USP3: variants seen among roughly 807,000 people sequenced by gnomAD.
USP3 encodes ubiquitin specific peptidase 3.
A neutral mutation model predicts 72.3 loss-of-function variants in USP3; 20 were observed. The observed-to-expected ratio is 0.28, with a 90% confidence interval of 0.19 to 0.40. USP3 has a LOEUF of 0.40. Among genes scored for constraint, USP3 ranks in the 10% least tolerant of loss-of-function variants. The pLI is 1.00. For synonymous variants in USP3, 222 were observed against 225.3 expected, an observed-to-expected ratio of 0.99 and a Z score of 0.13; for missense variants, 479 against 633.9, an observed-to-expected ratio of 0.76 and a Z score of 2.62.
chr15:63,529,004 A>G lies in USP3; in HGVS notation c.92-3643A>G. ...TCCCTCATAATACCCTATCCTCTGT[A>G]TCTTTCTAGCCTTCAAATGTTTATC... On this transcript the variant is annotated intron_variant, in intron 1 of 14. Transcript: ENST00000380324. The surrounding 1 kb of genome is among the most constrained non-coding windows in gnomAD (Gnocchi z 4.2). The G allele has an allele frequency of 7.8e-7, 1 of 1,288,760 alleles. No individual in the cohort carries two copies. Among genetic ancestry groups the G allele is most frequent in the Non-Finnish European group, 1.0e-6 (1 of 988,450 alleles). The allele number at this position is 1,288,760 out of a possible 1,614,324, so 79.8% of individuals were successfully genotyped here.
chr15:63,541,906 A>T (rs1030543370), intron 3 of USP3: 3 of 252,944 alleles, frequency 1.2e-5, no homozygotes, highest in Non-Finnish European at 1.9e-5. Context: ...GTTGCATAAG[A>T]GGTTTTATTT....
intron 8 of USP3, among the ~76,000 whole-genome samples, chr15:63,568,941 G>T (rs907808308): frequency 6.6e-6 from 1 of 152,122 alleles, no homozygotes; most frequent in African/African-American, 2.4e-5. Context: ...AGAAAATCAC[G>T]GTATGGTTGG....
At chr15:63,509,133 G>A (rs1026713755) in intron 1 of USP3, among the ~76,000 whole-genome samples, 3 of 152,082 alleles carry the variant, frequency 2.0e-5, no homozygotes, top group African/African-American at 7.2e-5. Context: ...ATTTTGTATC[G>A]TATTTCTCCA....
chr15:63,592,446 C>CA lies in USP3; in HGVS notation c.*1622dup, dbSNP rs2067221268. 7.5e-6 allele frequency: 1 copy of CA among 132,528 alleles called. No individual in the cohort carries two copies. The highest frequency in any genetic ancestry group is 7.4e-5 in the Admixed American group (1 of 13,446). 8.2% of individuals were successfully genotyped at this position (132,528 alleles called of 1,614,324 possible). Reference sequence around the variant, plus strand: ...GTGTTAAGCCAACGAGACTTTCTGGCAATTTTTTTTTTTTTTTTTTAATGG... The same window carrying CA: ...GTGTTAAGCCAACGAGACTTTCTGGCAAATTTTTTTTTTTTTTTTTTAATGG... On this transcript the variant is annotated 3_prime_UTR_variant, in exon 15 of 15. Transcript: ENST00000380324.
At chr15:63,519,182 G>A (rs2065887184) in intron 1 of USP3, among the ~76,000 whole-genome samples, 1 of 152,078 alleles carries the variant, frequency 6.6e-6, no homozygotes, top group African/African-American at 2.4e-5. Flanking sequence ...CCCAACAATG[G>A]CCTTCATAGC....
intron 11 of USP3, among the ~76,000 whole-genome samples, chr15:63,576,038 G>A (rs980416709): frequency 1.4e-5 from 2 of 147,268 alleles, no homozygotes; most frequent in African/African-American, 5.0e-5. Context: ...CCAGGCTGGA[G>A]TGCAGTGGCG....
chr15:63,535,453 C>G (rs74018963), intron 2 of USP3, among the ~76,000 whole-genome samples: 1 of 152,100 alleles, frequency 6.6e-6, no homozygotes, highest in African/African-American at 2.4e-5. Flanking sequence ...AGTACTATTA[C>G]GTCCATTTTA....
Position 63,588,995 on chromosome 15 carries a change from G to T in USP3, c.1381G>T (p.Val461Leu), listed in dbSNP as rs2067131532. ...SCLYDLAAVVVHHGSGVGSGH... is the reference protein window; with the variant it reads ...SCLYDLAAVVLHHGSGVGSGH... Reference sequence around the variant, plus strand: ...CCTGTATGACCTCGCCGCTGTGGTGGTGCACCATGGTTCCGGGTGAGTACA... The same window carrying T: ...CCTGTATGACCTCGCCGCTGTGGTGTTGCACCATGGTTCCGGGTGAGTACA... The change falls in exon 14 of 15, where the codon GTG becomes TTG. Residue 461 changes from valine to leucine, a missense_variant. Coordinates refer to ENST00000380324, the MANE Select transcript of USP3 (RefSeq NM_006537.4). This position sits in a 1 kb window ranked among gnomAD's most constrained non-coding sequence, Gnocchi z 4.6. The T allele has an allele frequency of 6.2e-7, 1 of 1,613,540 alleles. No individual in the cohort carries two copies. The highest frequency in any genetic ancestry group is 8.5e-7 in the Non-Finnish European group (1 of 1,180,028).
Position 63,588,717 on chromosome 15 carries a change from T to C in USP3, c.1231T>C (p.Leu411=), listed in dbSNP as rs531486273. 1 of 1,613,472 alleles carries C rather than the reference T, an allele frequency of 6.2e-7. No homozygotes were observed. Among genetic ancestry groups the C allele is most frequent in the Admixed American group, 1.7e-5 (1 of 59,978 alleles). Residue 411 remains leucine (L), a synonymous_variant, in exon 13 of 15, where the codon TTG becomes CTG. Coordinates refer to ENST00000380324, the MANE Select transcript of USP3 (RefSeq NM_006537.4). This position sits in a 1 kb window ranked among gnomAD's most constrained non-coding sequence, Gnocchi z 4.6. ...TGTCCTCCAGGTGCTATGCTTACAT[T>C]TGAAAAGATTTCATTGGACAGCATA... The part of the protein sequence containing the change: ...QKLPKVLCLH[L]KRFHWTAYLR...
At chr15:63,536,875 T>TCAAGTATTCAGTATAA (rs2066166042) in intron 2 of USP3, 150 bp from the exon 3 acceptor site, 1 of 863,414 alleles carries the variant, frequency 1.2e-6, no homozygotes, top group African/African-American at 1.7e-5. Flanking sequence ...AGAGCATATT[T>TCAAGTATTCAGTATAA]TAAGTATTCA....
At chr15:63,590,578 A>ATTTAAATCTAACATTATATAGTTG (rs1224748674) in intron 14 of USP3, 83 bp from the exon 15 acceptor site, 55 of 1,297,396 alleles carry the variant, frequency 4.2e-5, no homozygotes, top group Non-Finnish European at 1.7e-5. Flanking sequence ...TCTTATTAAA[A>ATTTAAATCTAACATTATATAGTTG]TTTAAATCTA....
At chr15:63,587,424 C>T (rs1292828034) in intron 11 of USP3, among the ~76,000 whole-genome samples, 6 of 151,968 alleles carry the variant, frequency 3.9e-5, no homozygotes, top group Admixed American at 3.9e-4. Context: ...AGTAAGTCTT[C>T]ATTTAATGTC....
intron 1 of USP3, among the ~76,000 whole-genome samples, chr15:63,523,648 G>A (rs999165332): frequency 1.3e-5 from 2 of 152,186 alleles, no homozygotes; most frequent in Non-Finnish European, 2.9e-5. Flanking sequence ...GTCAGTTGTG[G>A]AACAATTTGC....
chr15:63,588,634 T>A lies in USP3; in HGVS notation c.1216-68T>A. 1 of 1,175,214 alleles carries A rather than the reference T, an allele frequency of 8.5e-7. No individual in the cohort carries two copies. Among genetic ancestry groups the A allele is most frequent in the Non-Finnish European group, 1.3e-6 (1 of 796,836 alleles). The allele number at this position is 1,175,214 out of a possible 1,614,324, so 72.8% of individuals were successfully genotyped here. A position where few individuals can be genotyped will look rare whatever the true frequency, so the allele number is the denominator to read the frequency against. On this transcript the variant is annotated intron_variant, in intron 12 of 14. Coordinates refer to ENST00000380324, the MANE Select transcript of USP3 (RefSeq NM_006537.4). This position sits in a 1 kb window ranked among gnomAD's most constrained non-coding sequence, Gnocchi z 4.6. ...AAAATGTTATTTACTGAACTGATAG[T>A]AGTATCAAACTTTGACTGAAAGGTA...
chr15:63,584,105 T>G (rs937459811), intron 11 of USP3, among the ~76,000 whole-genome samples: 16 of 145,620 alleles, frequency 1.1e-4, no homozygotes, highest in Admixed American at 7.5e-4. Flanking sequence ...TTTTTTTTTT[T>G]TTTTTTTTTT....
At chr15:63,517,210 T>C (rs1424875366) in intron 1 of USP3, among the ~76,000 whole-genome samples, 3 of 152,036 alleles carry the variant, frequency 2.0e-5, no homozygotes, top group Non-Finnish European at 4.4e-5. Flanking sequence ...CTCCCCCCAA[T>C]TTCCTTGATA....
Position 63,528,900 on chromosome 15 carries a change from TA to T in USP3, c.92-3744del. 1.4e-6 allele frequency: 1 copy of T among 732,292 alleles called. No individual in the cohort carries two copies. The highest frequency in any genetic ancestry group is 1.9e-6 in the Non-Finnish European group (1 of 521,282). 45.4% of individuals were successfully genotyped at this position (732,292 alleles called of 1,614,324 possible). On this transcript the variant is annotated intron_variant, in intron 1 of 14. Coordinates refer to ENST00000380324, the MANE Select transcript of USP3 (RefSeq NM_006537.4). The surrounding 1 kb of genome is among the most constrained non-coding windows in gnomAD (Gnocchi z 4.3). ...TATTTTATATTTGTCCTGGGTACATTAAAGGTTCTTAATTTGGATGAAGCAT... is the reference window on the plus strand; with the variant it reads ...TATTTTATATTTGTCCTGGGTACATTAAGGTTCTTAATTTGGATGAAGCAT...
chr15:63,554,340 T>C (rs959254727), intron 4 of USP3, among the ~76,000 whole-genome samples: 2 of 152,186 alleles, frequency 1.3e-5, no homozygotes, highest in Non-Finnish European at 2.9e-5. Flanking sequence ...TATGAATACT[T>C]TGTCATCATA....
At chr15:63,590,603 T>TACAGGTCTTTTTGTGATTTCTGA in intron 14 of USP3, 58 bp from the exon 15 acceptor site, 1 of 1,437,576 alleles carries the variant, frequency 7.0e-7, no homozygotes, top group South Asian at 1.5e-5. Context: ...TATATAGTTG[T>TACAGGTCTTTTTGTGATTTCTGA]ACAGGTCTTT....
Sources: gnomAD v4.1 joint callset for allele counts (sites outside exome capture counted in the v4.1 genomes callset) on GRCh38, gnomAD v4.1.1 for gene constraint, Gnocchi (gnomAD v3.1) non-coding constraint, MANE v1.5 for transcripts, NCBI Gene and HGNC (gene_info 2026-07-23, HGNC 2026-07-21) for gene names.